Variants in PRKCQ observed in about 807,000 individuals in gnomAD.
PRKCQ encodes protein kinase C theta type.
PRKCQ carries 41 observed loss-of-function variants against 91.2 expected under a neutral mutation model. The observed-to-expected ratio is 0.45, with a 90% CI of 0.35 to 0.58. The LOEUF is 0.58. PRKCQ is among the 20% of genes least tolerant of loss of function. The pLI is 0.00. For missense variants in PRKCQ, 673 were observed against 896.5 expected (o/e 0.75, Z 3.18); for synonymous variants, 307 against 316.9 (o/e 0.97, Z 0.33).
At chr10:6,542,792 C>T (rs962100764) in intron 1 of PRKCQ, among the ~76,000 whole-genome samples, 2 of 152,100 alleles carry the variant, frequency 1.3e-5, no homozygotes, top group Admixed American at 1.3e-4. Flanking sequence ...CTAAAAAGAA[C>T]GAAGGTGATA....
chr10:6,567,260 A>G (rs915377575), intron 1 of PRKCQ, among the ~76,000 whole-genome samples: 3 of 152,356 alleles, frequency 2.0e-5, no homozygotes, highest in African/African-American at 7.2e-5. Context: ...TGCCAATTAT[A>G]TAGTAGGGGC....
chr10:6,551,273 T>G (rs531022468), intron 1 of PRKCQ, among the ~76,000 whole-genome samples: 2 of 152,338 alleles, frequency 1.3e-5, no homozygotes, highest in East Asian at 3.9e-4. Flanking sequence ...TCTGTTTCTG[T>G]GTTAGTTTGC....
Position 6,430,551 on chromosome 10 carries a change from C to T in PRKCQ, c.1965+259G>A, listed in dbSNP as rs1373927588. ...TCACAAATTCATATTCAACCTAAGG[C>T]GTGGACACACAGCAATCCATTCTTC... is the stretch of plus-strand genomic sequence containing the variant. On this transcript the variant is annotated intron_variant, in intron 17 of 17. Coordinates refer to ENST00000263125, the MANE Select transcript of PRKCQ (RefSeq NM_006257.5). This position sits in a 1 kb window ranked among gnomAD's most constrained non-coding sequence, Gnocchi z 4.7. 6.6e-6 allele frequency among the ~76,000 whole-genome samples: 1 copy of T among 152,162 alleles called. No homozygotes were observed. Among genetic ancestry groups the T allele is most frequent in the Admixed American group, 6.5e-5 (1 of 15,280 alleles).
At chr10:6,505,351 C>T (rs1244975798) in intron 4 of PRKCQ, among the ~76,000 whole-genome samples, 2 of 152,168 alleles carry the variant, frequency 1.3e-5, no homozygotes, top group Non-Finnish European at 2.9e-5. Flanking sequence ...AAGCAGGGAT[C>T]TTAAAATCAT....
chr10:6,476,660 G>A (rs1298432008), intron 12 of PRKCQ, among the ~76,000 whole-genome samples: 1 of 151,886 alleles, frequency 6.6e-6, no homozygotes, highest in Non-Finnish European at 1.5e-5. Context: ...TCTGTCATTG[G>A]GTATTTGTGT....
At chr10:6,435,982 C>T (rs1278360457) in intron 16 of PRKCQ, among the ~76,000 whole-genome samples, 2 of 152,312 alleles carry the variant, frequency 1.3e-5, no homozygotes, top group African/African-American at 4.8e-5. Flanking sequence ...GCATTGGTGG[C>T]ATGCACCTGT....
At chr10:6,426,205 C>G (rs1289512186), downstream of PRKCQ, among the ~76,000 whole-genome samples, 3 of 152,188 alleles carry the variant, frequency 2.0e-5, no homozygotes, top group African/African-American at 7.2e-5. Context: ...TGAGAAGGGA[C>G]TTTAGATAGC....
downstream of PRKCQ, among the ~76,000 whole-genome samples, chr10:6,425,998 T>A (rs1231445248): frequency 6.6e-6 from 1 of 151,518 alleles, no homozygotes; most frequent in South Asian, 2.1e-4. Flanking sequence ...GAACCCAGAG[T>A]GAGGAGAGGA....
At chr10:6,426,911 T>G (rs1689009684), downstream of PRKCQ, among the ~76,000 whole-genome samples, 1 of 152,198 alleles carries the variant, frequency 6.6e-6, no homozygotes, top group Non-Finnish European at 1.5e-5. Flanking sequence ...AATTTTTGTA[T>G]TTTTAGTAGA....
rs11258970 is a variant in PRKCQ, at chr10:6,459,776, T to G, written c.1508+2527A>C. On this transcript the variant is annotated intron_variant, in intron 14 of 17. Transcript: ENST00000263125. ...AGAGGCTGGTAAATCGAGGGCTTGG[T>G]GGGGGCATGGCCCTGCCCACATCTT... is the stretch of plus-strand genomic sequence containing the variant. Among the ~76,000 whole-genome samples the G allele has an allele frequency of 6.4e-3, 980 of 152,304 alleles. 11 individuals are homozygous for G. The highest frequency in any genetic ancestry group is 0.022 in the African/African-American group (926 of 41,566).
chr10:6,419,517 T>C, the PRKCQ span, among the ~76,000 whole-genome samples: 1 of 152,212 alleles, frequency 6.6e-6, no homozygotes, highest in African/African-American at 2.4e-5. Context: ...TTTGATTAAT[T>C]TGGCATTTAC....
intron 1 of PRKCQ, among the ~76,000 whole-genome samples, chr10:6,572,349 T>G (rs1006879853): frequency 1.3e-5 from 2 of 152,154 alleles, no homozygotes; most frequent in African/African-American, 4.8e-5. Context: ...AAGCCCCACA[T>G]GCATTAGCTA....
At chr10:6,404,584 TTTC>T in the PRKCQ span, among the ~76,000 whole-genome samples, 12 of 148,072 alleles carry the variant, frequency 8.1e-5, no homozygotes, top group South Asian at 2.2e-4. Flanking sequence ...TCTTTCTTTC[TTTC>T]TTTTTTTCTC....
intron 1 of PRKCQ, among the ~76,000 whole-genome samples, chr10:6,552,353 T>C (rs373316093): frequency 2.6e-5 from 4 of 152,226 alleles, no homozygotes; most frequent in African/African-American, 9.6e-5. Context: ...ACTGTTTATA[T>C]TCTCCTGCAA....
chr10:6,471,508 C>T (rs567556035), intron 12 of PRKCQ, among the ~76,000 whole-genome samples: 54 of 152,066 alleles, frequency 3.6e-4, no homozygotes, highest in African/African-American at 9.6e-4. Flanking sequence ...TTTGGGAGGC[C>T]GAGGTGGGTG....
chr10:6,447,438 T>C (rs1346195695), intron 15 of PRKCQ, among the ~76,000 whole-genome samples: 1 of 150,102 alleles, frequency 6.7e-6, no homozygotes, highest in Non-Finnish European at 1.5e-5. Context: ...GATATTTCCC[T>C]GTTTAACTGC....
At position 6,465,372 on chromosome 10, in the gene PRKCQ, CCA is replaced by C. The variant is rs1247955403; in HGVS notation, c.1354-970_1354-969del. On this transcript the variant is annotated intron_variant, in intron 12 of 17. Transcript: ENST00000263125. The surrounding 1 kb of genome is among the most constrained non-coding windows in gnomAD (Gnocchi z 4.4). The stretch of plus-strand genomic sequence containing the variant: ...CAGTAGAGCTGGGGCCCTCGAGTGG[CCA>C]CAGTCAGAAGTAGGGCTGGGTGGTC... Among the ~76,000 whole-genome samples the C allele has an allele frequency of 1.3e-5, 2 of 152,162 alleles. No homozygotes were observed. The highest frequency in any genetic ancestry group is 2.9e-5 in the Non-Finnish European group (2 of 68,038).
chr10:6,423,215 G>A (rs1282788243), downstream of PRKCQ, among the ~76,000 whole-genome samples: 2 of 152,180 alleles, frequency 1.3e-5, no homozygotes, highest in East Asian at 3.9e-4. Context: ...AAGCCCTAGA[G>A]CAGGAGCAGA....
intron 1 of PRKCQ, among the ~76,000 whole-genome samples, chr10:6,569,301 C>T (rs1840947293): frequency 6.6e-6 from 1 of 151,868 alleles, no homozygotes. Flanking sequence ...TTCCAGAGGA[C>T]AAGAGACATC....
Sources: allele counts gnomAD v4.1 joint callset (sites outside exome capture counted in the v4.1 genomes callset), GRCh38; gene constraint gnomAD v4.1.1; non-coding constraint Gnocchi (gnomAD v3.1); transcripts MANE v1.5; gene names NCBI Gene and HGNC (gene_info 2026-07-23, HGNC 2026-07-21).